The following SNX24 variants were observed in gnomAD, a reference collection of about 807,000 sequenced individuals.
SNX24 encodes sorting nexin-24.
A neutral mutation model predicts 28.7 loss-of-function variants in SNX24; 22 were observed. The observed-to-expected ratio is 0.77, with a 90% confidence interval of 0.55 to 1.10. The LOEUF is 1.10. SNX24 is among the 50% of genes least tolerant of loss of function. The pLI, the probability that SNX24 is intolerant of heterozygous loss-of-function variation, is 0.00. For synonymous variants in SNX24, 69 were observed against 71.5 expected (o/e 0.96, Z 0.18); for missense variants, 221 against 201.1 (o/e 1.10, Z -0.60).
chr5:122,886,094 C>T (rs74493548), intron 1 of SNX24, among the ~76,000 whole-genome samples: 2,698 of 152,256 alleles, frequency 0.018, 78 homozygotes, highest in African/African-American at 0.061. Flanking sequence ...AGTGGTTGTA[C>T]TCCAAAGTGC....
chr5:122,944,795 A>G (rs1759613662), intron 2 of SNX24, among the ~76,000 whole-genome samples: 1 of 152,166 alleles, frequency 6.6e-6, no homozygotes, highest in Admixed American at 6.5e-5. Context: ...TATGGAAAGA[A>G]TTTTTTACTA....
rs536057896 is a variant in SNX24 at position 122,915,066 on chromosome 5, A to C, written c.61-21668A>C. ...ATGTTTCAGATTTCAGGGTTTTTTT[A>C]GACTTTGGAATATTTGCATTATACT... On this transcript the variant is annotated intron_variant, in intron 1 of 6. Coordinates refer to ENST00000261369, the MANE Select transcript of SNX24 (RefSeq NM_014035.4). 3.3e-5 allele frequency among the ~76,000 whole-genome samples: 5 copies of C among 152,274 alleles called. 1 individual carries two copies. In the South Asian group the frequency reaches 1.0e-3, roughly 32 times the overall value.
chr5:123,001,788 C>G (rs1214791756), intron 5 of SNX24, 152 bp from the exon 6 acceptor site: 4 of 677,568 alleles, frequency 5.9e-6, no homozygotes, highest in African/African-American at 3.6e-5. Context: ...TTTGTTCACT[C>G]TTACTCTGCG....
At chr5:123,017,228 T>A (rs1762695029) in intron 5 of SNX24, among the ~76,000 whole-genome samples, 1 of 152,008 alleles carries the variant, frequency 6.6e-6, no homozygotes. Flanking sequence ...AATTTAATGG[T>A]TTGCAGAGTG....
chr5:122,990,821 T>C (rs1473620847), intron 3 of SNX24, among the ~76,000 whole-genome samples: 1 of 152,252 alleles, frequency 6.6e-6, no homozygotes, highest in African/African-American at 2.4e-5. Flanking sequence ...AAAACACTAA[T>C]ATTAAATACC....
intron 1 of SNX24, among the ~76,000 whole-genome samples, chr5:122,882,747 A>C (rs1756536428): frequency 6.6e-6 from 1 of 152,174 alleles, no homozygotes; most frequent in South Asian, 2.1e-4. Flanking sequence ...TCCTTTTTTT[A>C]ATCTTACAAT....
At chr5:122,873,820 C>T (rs1429642625) in intron 1 of SNX24, among the ~76,000 whole-genome samples, 3 of 141,924 alleles carry the variant, frequency 2.1e-5, no homozygotes, top group Non-Finnish European at 3.0e-5. Context: ...GGCTGGAGTG[C>T]AATGGCGCAA....
intron 1 of SNX24, among the ~76,000 whole-genome samples, chr5:122,925,166 A>C (rs1035647944): frequency 3.1e-4 from 8 of 25,852 alleles, no homozygotes; most frequent in South Asian, 2.1e-3. Context: ...ATCCCCTCCC[A>C]TCCCCCTCCC....
chr5:122,884,975 C>T (rs1055164430), intron 1 of SNX24, among the ~76,000 whole-genome samples: 1 of 152,068 alleles, frequency 6.6e-6, no homozygotes, highest in Non-Finnish European at 1.5e-5. Flanking sequence ...CTTAGGGACC[C>T]GTTGGCCATT....
chr5:122,925,663 C>T (rs1758663059), intron 1 of SNX24, among the ~76,000 whole-genome samples: 1 of 152,170 alleles, frequency 6.6e-6, no homozygotes, highest in Non-Finnish European at 1.5e-5. Context: ...ATTGCACAGT[C>T]TGCCTCTATT....
intron 1 of SNX24, among the ~76,000 whole-genome samples, chr5:122,868,167 T>C (rs184994092): frequency 3.9e-4 from 60 of 152,304 alleles, no homozygotes; most frequent in African/African-American, 1.4e-3. Context: ...GAGAAGGCAG[T>C]GTAGCTGGAT....
intron 1 of SNX24, among the ~76,000 whole-genome samples, chr5:122,925,271 CT>C (rs946181244): frequency 4.3e-5 from 6 of 140,536 alleles, no homozygotes; most frequent in Admixed American, 3.7e-4. Context: ...TCCCCTCCCC[CT>C]TCTCCTTTCC....
rs544288052 is a variant in SNX24, at chr5:123,000,993, T to TA, written c.345-411dup. Among the ~76,000 whole-genome samples the TA allele has an allele frequency of 4.0e-3, 603 of 152,348 alleles. 5 individuals carry two copies. The highest frequency in any genetic ancestry group is 0.013 in the South Asian group (63 of 4,820). On this transcript the variant is annotated intron_variant, in intron 4 of 6. Transcript: ENST00000261369. ...TGTTTACTCAGAGCCACTTTCCACT[T>TA]ATTGCATAACAAAAATTATACACTT...
intron 1 of SNX24, among the ~76,000 whole-genome samples, chr5:122,914,576 C>T (rs1157762772): frequency 6.6e-6 from 1 of 150,802 alleles, no homozygotes; most frequent in Non-Finnish European, 1.5e-5. Flanking sequence ...ATTTCAGATC[C>T]TGTTATTGGT....
At chr5:122,874,392 T>C (rs1056161993) in intron 1 of SNX24, among the ~76,000 whole-genome samples, 2 of 152,322 alleles carry the variant, frequency 1.3e-5, no homozygotes, top group African/African-American at 4.8e-5. Flanking sequence ...GGACAGATAC[T>C]GATACAATCA....
chr5:122,955,627 A>T (rs1184302219), intron 3 of SNX24, among the ~76,000 whole-genome samples: 1 of 152,186 alleles, frequency 6.6e-6, no homozygotes, highest in Admixed American at 6.5e-5. Context: ...GCCCTCGTTG[A>T]TACCTGGAGG....
intron 1 of SNX24, among the ~76,000 whole-genome samples, chr5:122,911,015 G>C (rs1354400233): frequency 4.3e-4 from 66 of 152,284 alleles, no homozygotes; most frequent in East Asian, 1.2e-3. Context: ...AATGGTATTT[G>C]TAGTTCTAGA....
chr5:122,924,451 C>T (rs938324761), intron 1 of SNX24, among the ~76,000 whole-genome samples: 4 of 152,042 alleles, frequency 2.6e-5, no homozygotes, highest in Admixed American at 6.6e-5. Flanking sequence ...AGGGAGGGCT[C>T]GTGTGCTGGC....
chr5:123,014,333 A>ATTTTTTTTTTTTTTTTTTTTT (rs70988553), intron 5 of SNX24, among the ~76,000 whole-genome samples: 1 of 77,270 alleles, frequency 1.3e-5, no homozygotes. Flanking sequence ...TGCCCAGCTG[A>ATTTTTTTTTTTTTTTTTTTTT]TTTTTTTTTT....
Sources: gnomAD v4.1 joint callset for allele counts (sites outside exome capture counted in the v4.1 genomes callset) on GRCh38, gnomAD v4.1.1 for gene constraint, MANE v1.5 for transcripts, NCBI Gene and HGNC (gene_info 2026-07-23, HGNC 2026-07-21) for gene names.